Variants in FHIT observed in about 807,000 individuals in gnomAD.
The protein encoded by FHIT is bis(5'-adenosyl)-triphosphatase.
Under a neutral mutation model 17.9 loss-of-function variants are expected in FHIT, and 19 were observed. That is an observed-to-expected ratio of 1.06 (90% confidence interval 0.74 to 1.56). The LOEUF (loss-of-function observed/expected upper bound fraction) is 1.56. FHIT is among the 40% of genes most tolerant of loss of function. The pLI is 0.00. For synonymous variants in FHIT, 81 were observed against 69.7 expected, an observed-to-expected ratio of 1.16 and a Z score of -0.81; for missense variants, 248 against 189.2, an observed-to-expected ratio of 1.31 and a Z score of -1.82.
chr3:60,077,522 A>G (rs1703065999), intron 5 of FHIT: 1 of 133,368 alleles, frequency 7.5e-6, no homozygotes, highest in Non-Finnish European at 1.8e-5. Flanking sequence ...CAAAGTTACA[A>G]ATGGCTAAAA....
Position 60,357,886 on chromosome 3 carries a change from T to C in FHIT, c.103+178974A>G, listed in dbSNP as rs189928222. On this transcript the variant is annotated intron_variant, in intron 5 of 9. Coordinates refer to ENST00000492590, the MANE Select transcript of FHIT (RefSeq NM_002012.4). ...TTTAGCATTCCATCCTTCTCCATCA[T>C]ACTGGCTCAGAGGTGAGAACTGACC... Among the ~76,000 whole-genome samples the C allele has an allele frequency of 1.5e-4, 23 of 152,314 alleles. No individual in the cohort carries two copies. In the East Asian group the frequency reaches 3.9e-3, roughly 26 times the overall value.
At chr3:60,732,517 G>A (rs1249424260) in intron 4 of FHIT, 4 of 663,486 alleles carry the variant, frequency 6.0e-6, no homozygotes, top group Non-Finnish European at 8.7e-6. Flanking sequence ...TCTTTCCAGC[G>A]CTCAGAGCAC....
chr3:60,926,299 G>A (rs1553769869), intron 3 of FHIT, among the ~76,000 whole-genome samples: 1 of 152,124 alleles, frequency 6.6e-6, no homozygotes, highest in East Asian at 1.9e-4. Context: ...TGACTACATA[G>A]TTGGAAGTAA....
intron 3 of FHIT, among the ~76,000 whole-genome samples, chr3:60,852,112 G>A (rs1000991839): frequency 3.3e-5 from 5 of 152,064 alleles, no homozygotes; most frequent in Non-Finnish European, 7.4e-5. Flanking sequence ...CATCCAATCA[G>A]CTGAAGGCTT....
intron 4 of FHIT, among the ~76,000 whole-genome samples, chr3:60,792,162 T>A (rs1170166566): frequency 4.6e-5 from 7 of 152,154 alleles, no homozygotes; most frequent in Non-Finnish European, 1.0e-4. Flanking sequence ...CTCCTCACAC[T>A]CCTCTTGCAT....
chr3:60,477,856 T>A (rs1479476761), intron 5 of FHIT, among the ~76,000 whole-genome samples: 1 of 152,138 alleles, frequency 6.6e-6, no homozygotes, highest in African/African-American at 2.4e-5. Context: ...TTCTCTAATA[T>A]GATAGGGAGC....
chr3:60,142,476 G>A (rs58865570), intron 5 of FHIT, among the ~76,000 whole-genome samples: 5,822 of 146,540 alleles, frequency 0.04, 384 homozygotes, highest in African/African-American at 0.13. Context: ...AAAGATGCCA[G>A]GCTATTTATT....
chr3:60,673,637 T>C (rs920537351), intron 4 of FHIT, among the ~76,000 whole-genome samples: 6 of 152,130 alleles, frequency 3.9e-5, no homozygotes, highest in African/African-American at 1.4e-4. Flanking sequence ...AATGTTTACA[T>C]ATGTAACAAA....
intron 2 of FHIT, among the ~76,000 whole-genome samples, chr3:61,059,834 T>C (rs940806582): frequency 6.6e-6 from 1 of 152,190 alleles, no homozygotes; most frequent in Non-Finnish European, 1.5e-5. Context: ...GAAAATAAAT[T>C]GATTCCCAGT....
intron 2 of FHIT, among the ~76,000 whole-genome samples, chr3:61,174,436 A>C (rs1012829790): frequency 3.9e-5 from 6 of 152,216 alleles, no homozygotes; most frequent in Middle Eastern, 3.2e-3. Context: ...TAGGCATGTC[A>C]TTAAATATAA....
intron 3 of FHIT, among the ~76,000 whole-genome samples, chr3:60,832,235 G>GA (rs149247389): frequency 0.05 from 7,513 of 149,752 alleles, 494 homozygotes; most frequent in African/African-American, 0.15. Flanking sequence ...TAGATAAAAA[G>GA]AAAAAAAAAG....
chr3:60,574,118 G>A (rs1246865500), intron 4 of FHIT, among the ~76,000 whole-genome samples: 2 of 152,054 alleles, frequency 1.3e-5, no homozygotes, highest in African/African-American at 2.4e-5. Flanking sequence ...TTAGTATTAT[G>A]TACTTCTGAC....
intron 4 of FHIT, among the ~76,000 whole-genome samples, chr3:60,807,339 G>A (rs1701428909): frequency 6.6e-6 from 1 of 151,676 alleles, no homozygotes; most frequent in African/African-American, 2.4e-5. Flanking sequence ...TTTCTAGGCT[G>A]AAGCAGGAGG....
intron 7 of FHIT, among the ~76,000 whole-genome samples, chr3:59,927,422 C>A (rs1705715649): frequency 7.0e-6 from 1 of 143,810 alleles, no homozygotes; most frequent in Admixed American, 7.1e-5. Context: ...AATAGGGTTT[C>A]TTTTATATTA....
chr3:61,232,316 G>A (rs2040126136), intron 1 of FHIT, among the ~76,000 whole-genome samples: 1 of 152,226 alleles, frequency 6.6e-6, no homozygotes, highest in Admixed American at 6.5e-5. Context: ...GAACCAGGGA[G>A]GTGGAGGTTG....
At chr3:60,572,892 C>T (rs138084300) in intron 4 of FHIT, among the ~76,000 whole-genome samples, 3 of 152,318 alleles carry the variant, frequency 2.0e-5, no homozygotes, top group South Asian at 4.1e-4. Flanking sequence ...AACAACCTCC[C>T]TGTACTGAGG....
At chr3:59,765,275 A>G (rs1220391499) in intron 8 of FHIT, among the ~76,000 whole-genome samples, 2 of 152,240 alleles carry the variant, frequency 1.3e-5, no homozygotes, top group Non-Finnish European at 2.9e-5. Flanking sequence ...ACTAATTATA[A>G]TTTCAGGTAT....
intron 2 of FHIT, among the ~76,000 whole-genome samples, chr3:61,145,113 C>T (rs182077667): frequency 1.3e-5 from 2 of 152,166 alleles, no homozygotes; most frequent in East Asian, 1.9e-4. Context: ...AGAAACCTAA[C>T]TCAAGATGAC....
intron 4 of FHIT, among the ~76,000 whole-genome samples, chr3:60,744,268 C>A (rs148427103): frequency 0.25 from 19,755 of 78,110 alleles, 2,118 homozygotes; most frequent in Non-Finnish European, 0.29. Flanking sequence ...CAAAACAAAA[C>A]AAAAAAAAAA....
Sources: gnomAD v4.1 joint callset for allele counts (sites outside exome capture counted in the v4.1 genomes callset) on GRCh38, gnomAD v4.1.1 for gene constraint, MANE v1.5 for transcripts, NCBI Gene and HGNC (gene_info 2026-07-23, HGNC 2026-07-21) for gene names.